The following ASZ1 variants were observed in gnomAD, a reference collection of about 807,000 sequenced individuals.
The protein encoded by ASZ1 is ankyrin repeat, SAM and basic leucine zipper domain-containing protein 1.
Under a neutral mutation model 61.8 loss-of-function variants are expected in ASZ1, and 67 were observed. The ratio of observed to expected loss-of-function variants is 1.08; its 90% CI spans 0.89 to 1.33. The LOEUF (loss-of-function observed/expected upper bound fraction) is 1.33. ASZ1 is among the 40% of genes most tolerant of loss of function. ASZ1 has a pLI of 0.00. For synonymous variants in ASZ1, 193 were observed against 192.7 expected (o/e 1.00, Z -0.01); for missense variants, 577 against 554.5 (o/e 1.04, Z -0.41).
Position 117,426,488 on chromosome 7 carries a change from C to CAAAAA in ASZ1, c.205+343_205+347dup, listed in dbSNP as rs10625452. 6.3e-3 allele frequency among the ~76,000 whole-genome samples: 213 copies of CAAAAA among 33,958 alleles called. 1 individual carries two copies. Among genetic ancestry groups the CAAAAA allele is most frequent in the African/African-American group, 0.024 (188 of 7,792 alleles). 22.3% of individuals were successfully genotyped at this position (33,958 alleles called of 152,430 possible). On this transcript the variant is annotated intron_variant, in intron 2 of 12. Coordinates refer to ENST00000284629, the MANE Select transcript of ASZ1 (RefSeq NM_130768.3). The stretch of plus-strand genomic sequence containing the variant: ...TGGGCCACAGAGCAAGATAACATCT[C>CAAAAA]AAAAAAAAAAAAAAAAAAAAAAGAA...
rs574684769 is a variant in ASZ1 at position 117,380,246 on chromosome 7, TATA to T, written c.946-202_946-200del. Among the ~76,000 whole-genome samples, 44 of 151,966 alleles carry T rather than the reference TATA, an allele frequency of 2.9e-4. 1 individual carries two copies. The East Asian group carries it at 8.5e-3, about 29-fold the overall frequency. On this transcript the variant is annotated intron_variant, in intron 9 of 12. Transcript: ENST00000284629. ...GTTACAGCATTAGAATATTGAGATA[TATA>T]ATAACTATAGTCAATTTTTTTGCAA...
At position 117,385,679 on chromosome 7, in the gene ASZ1, T is replaced by C. The variant is rs1376250576; in HGVS notation, c.552+19A>G. ...ATAATAACAGAAACAAAAAGAAACATTGTAAAAATGTTTCTCACAGTGTAA... is the reference window on the plus strand; with the variant it reads ...ATAATAACAGAAACAAAAAGAAACACTGTAAAAATGTTTCTCACAGTGTAA... On this transcript the variant is annotated intron_variant, in intron 5 of 12. Coordinates refer to ENST00000284629, the MANE Select transcript of ASZ1 (RefSeq NM_130768.3). The C allele has an allele frequency of 1.3e-6, 2 of 1,539,698 alleles. No individual in the cohort carries two copies. Among genetic ancestry groups the C allele is most frequent in the African/African-American group, 1.4e-5 (1 of 72,922 alleles).
chr7:117,368,538 G>C (rs1795987659), intron 11 of ASZ1, 74 bp downstream of exon 11: 3 of 1,542,252 alleles, frequency 1.9e-6, no homozygotes, highest in African/African-American at 2.8e-5. Context: ...ACTATTTATT[G>C]AATTATCATG....
rs748215258 is a variant in ASZ1, at chr7:117,384,781, T to G, written c.632A>C (p.Gln211Pro). 2.7e-5 allele frequency: 43 copies of G among 1,612,020 alleles called. No individual in the cohort carries two copies. The highest frequency in any genetic ancestry group is 3.3e-5 in the Non-Finnish European group (39 of 1,179,280). Reference protein sequence around the residue: ...LLELGANKMLQTKDGKMPSEI... With the variant: ...LLELGANKMLPTKDGKMPSEI... The stretch of plus-strand genomic sequence containing the variant: ...ACTTGGCATCTTTCCATCTTTGGTT[T>G]GTAGCATTTTATTAGCTCCAAGTTC... Residue 211 changes from glutamine to proline, a missense_variant, in exon 6 of 13, where the codon CAA (glutamine) becomes CCA (proline). Gln to Pro is a moderately conservative substitution (Grantham distance 76). Transcript: ENST00000284629.
At chr7:117,387,307 T>TTAA (rs1796377785) in intron 4 of ASZ1, among the ~76,000 whole-genome samples, 1 of 147,270 alleles carries the variant, frequency 6.8e-6, no homozygotes, top group South Asian at 2.2e-4. Context: ...AGACCCTGTC[T>TTAA]CAACAACAAC....
At chr7:117,425,178 G>A (rs990444129) in intron 2 of ASZ1, among the ~76,000 whole-genome samples, 13 of 146,344 alleles carry the variant, frequency 8.9e-5, no homozygotes, top group African/African-American at 3.3e-4. Context: ...GTGTGTGAAT[G>A]TTTTGTATCT....
intron 10 of ASZ1, among the ~76,000 whole-genome samples, chr7:117,372,056 G>A (rs997276423): frequency 2.6e-5 from 4 of 152,086 alleles, no homozygotes; most frequent in Admixed American, 2.6e-4. Context: ...TCAACAGTGT[G>A]CCATTTACAC....
rs749959101 is a variant in ASZ1 at position 117,427,453 on chromosome 7, G to A, written c.8C>T (p.Ala3Val). 13 of 1,613,600 alleles carry A rather than the reference G, an allele frequency of 8.1e-6. No individual in the cohort carries two copies. The highest frequency in any genetic ancestry group is 5.3e-5 in the African/African-American group (4 of 74,928). MA[A>V]SALRGLPVAG... ...CACTGGCAGGCCTCGCAGCGCGCTC[G>A]CCGCCATGCCAGCCAAGGAAGCTCC... Residue 3 changes from alanine (A) to valine (V), a missense_variant, in exon 1 of 13, where the codon GCG becomes GTG. Coordinates refer to ENST00000284629, the MANE Select transcript of ASZ1 (RefSeq NM_130768.3).
intron 4 of ASZ1, among the ~76,000 whole-genome samples, chr7:117,413,319 T>G (rs1316257512): frequency 6.6e-6 from 1 of 151,986 alleles, no homozygotes; most frequent in African/African-American, 2.4e-5. Flanking sequence ...AGCACCAATT[T>G]TCTGTTCTGT....
chr7:117,413,818 C>T (rs1184674614), intron 4 of ASZ1, among the ~76,000 whole-genome samples: 1 of 151,910 alleles, frequency 6.6e-6, no homozygotes, highest in African/African-American at 2.4e-5. Context: ...AGAGCTGACA[C>T]AAAAATAGTT....
Position 117,424,436 on chromosome 7 carries a change from G to C in ASZ1, c.206-2077C>G, listed in dbSNP as rs1162571695. On this transcript the variant is annotated intron_variant, in intron 2 of 12. Transcript: ENST00000284629. The stretch of plus-strand genomic sequence containing the variant: ...TGAAAGTGAGGCATCAGCAGTAAGG[G>C]GAATGACAGTGAGGACAATGGTAAA... Among the ~76,000 whole-genome samples, 4 of 152,278 alleles carry C rather than the reference G, an allele frequency of 2.6e-5. No individual in the cohort carries two copies. The East Asian group carries it at 7.7e-4, about 29-fold the overall frequency.
At chr7:117,402,293 C>G (rs146515876) in intron 4 of ASZ1, among the ~76,000 whole-genome samples, 2 of 152,276 alleles carry the variant, frequency 1.3e-5, no homozygotes, top group African/African-American at 4.8e-5. Flanking sequence ...TTGGCCACAT[C>G]TGTCTCTGGG....
intron 4 of ASZ1, among the ~76,000 whole-genome samples, chr7:117,404,417 C>T (rs1584735997): frequency 2.3e-5 from 3 of 130,582 alleles, no homozygotes; most frequent in Non-Finnish European, 3.1e-5. Context: ...TGACTGTTTC[C>T]TTTTTTTTTT....
At chr7:117,402,055 C>T (rs1371394044) in intron 4 of ASZ1, among the ~76,000 whole-genome samples, 1 of 152,036 alleles carries the variant, frequency 6.6e-6, no homozygotes, top group East Asian at 1.9e-4. Context: ...GGCAGCAATA[C>T]AAACTATTAA....
At chr7:117,411,696 CTG>C (rs1796893048) in intron 4 of ASZ1, among the ~76,000 whole-genome samples, 1 of 151,796 alleles carries the variant, frequency 6.6e-6, no homozygotes, top group African/African-American at 2.4e-5. Context: ...GATGCTTACT[CTG>C]TGGCTAGGCA....
At chr7:117,385,322 C>T (rs1378804741) in intron 5 of ASZ1, among the ~76,000 whole-genome samples, 3 of 151,546 alleles carry the variant, frequency 2.0e-5, no homozygotes, top group Non-Finnish European at 4.4e-5. Flanking sequence ...TGCAGTGGTG[C>T]GATCTTGGCT....
intron 3 of ASZ1, among the ~76,000 whole-genome samples, chr7:117,420,529 A>C (rs1797081614): frequency 6.6e-6 from 1 of 152,206 alleles, no homozygotes; most frequent in South Asian, 2.1e-4. Context: ...AAGAGAACAG[A>C]AAGTGGTTAA....
intron 10 of ASZ1, among the ~76,000 whole-genome samples, chr7:117,372,791 G>C (rs913780471): frequency 6.6e-6 from 1 of 152,036 alleles, no homozygotes; most frequent in Admixed American, 6.6e-5. Flanking sequence ...TTTTCTTCCA[G>C]TGTTTTTCCT....
intron 4 of ASZ1, among the ~76,000 whole-genome samples, chr7:117,419,805 A>G (rs1797065182): frequency 6.6e-6 from 1 of 152,188 alleles, no homozygotes; most frequent in Admixed American, 6.5e-5. Flanking sequence ...TTTTTGTAAA[A>G]TTGTTTAGTT....
Sources: gnomAD v4.1 joint callset for allele counts (sites outside exome capture counted in the v4.1 genomes callset) on GRCh38, gnomAD v4.1.1 for gene constraint, MANE v1.5 for transcripts, NCBI Gene and HGNC (gene_info 2026-07-23, HGNC 2026-07-21) for gene names.